SDC1: variants seen among roughly 807,000 people sequenced by gnomAD.
The protein encoded by SDC1 is syndecan 1.
A neutral mutation model predicts 29.7 loss-of-function variants in SDC1; 14 were observed. The ratio of observed to expected loss-of-function variants is 0.47; its 90% CI spans 0.31 to 0.74. The LOEUF is 0.74. Ranked by LOEUF, SDC1 falls within the 30% of genes least tolerant of loss-of-function variation. The probability of loss-of-function intolerance (pLI) is 0.05; values close to 1 mark genes in which losing one functional copy is unlikely to be tolerated. For synonymous variants in SDC1, 204 were observed against 175.5 expected (o/e 1.16, Z -1.29); for missense variants, 406 against 400.3 (o/e 1.01, Z -0.12).
In SDC1 at chr2:20,224,683, A is replaced by C; in HGVS notation, c.66+119T>G. ...TCACCGTCCCGGGACCCGCTGGGCTAGCGCGGGAAGAAGGGAAGTCTTCGC... is the reference window on the plus strand; with the variant it reads ...TCACCGTCCCGGGACCCGCTGGGCTCGCGCGGGAAGAAGGGAAGTCTTCGC... On this transcript the variant is annotated intron_variant, in intron 1 of 4. Transcript: ENST00000254351. The surrounding 1 kb of genome is among the most constrained non-coding windows in gnomAD (Gnocchi z 4.9). 3 of 1,126,596 alleles carry C rather than the reference A, an allele frequency of 2.7e-6. No homozygotes were observed. The highest frequency in any genetic ancestry group is 3.9e-5 in the South Asian group (1 of 25,538). 69.8% of individuals were successfully genotyped at this position (1,126,596 alleles called of 1,614,324 possible).
chr2:20,223,196 G>T, intron 1 of SDC1: 4 of 1,253,712 alleles, frequency 3.2e-6, no homozygotes, highest in Non-Finnish European at 3.2e-6. Flanking sequence ...CTGGAAGCAC[G>T]AGTCACCTGG....
intron 1 of SDC1, among the ~76,000 whole-genome samples, chr2:20,215,575 C>T (rs1011603193): frequency 2.6e-5 from 4 of 152,244 alleles, no homozygotes; most frequent in Non-Finnish European, 5.9e-5. Flanking sequence ...CACAGGTCAG[C>T]CTCAGTGCTC....
chr2:20,208,071 G>A (rs996211733), intron 1 of SDC1: 2 of 985,336 alleles, frequency 2.0e-6, no homozygotes, highest in Non-Finnish European at 2.4e-6. Flanking sequence ...GCATTGTAGA[G>A]TGCCGAATCT....
Position 20,204,216 on chromosome 2 carries a change from G to C in SDC1, c.224C>G (p.Pro75Arg). ...CAGGCCGGTGGGTTCTGGAGACGTG[G>C]GAATAGCCGTCAGGAGCTGCGTGTC... ...WKDTQLLTAI[P>R]TSPEPTGLEA... Residue 75 changes from proline to arginine, a missense_variant, in exon 3 of 5, where the codon CCC becomes CGC. Transcript: ENST00000254351. 6.3e-7 allele frequency: 1 copy of C among 1,599,248 alleles called. No homozygotes were observed. The highest frequency in any genetic ancestry group is 8.5e-7 in the Non-Finnish European group (1 of 1,179,848).
At chr2:20,218,313 AT>A (rs1677696265) in intron 1 of SDC1, among the ~76,000 whole-genome samples, 1 of 152,228 alleles carries the variant, frequency 6.6e-6, no homozygotes, top group South Asian at 2.1e-4. Flanking sequence ...GCCATGATGG[AT>A]GTCAGAGCCA....
intron 1 of SDC1, among the ~76,000 whole-genome samples, chr2:20,217,058 C>G (rs1349036774): frequency 6.6e-6 from 1 of 152,172 alleles, no homozygotes; most frequent in Non-Finnish European, 1.5e-5. Context: ...TCAGGGAGAC[C>G]CCCTGCCCTG....
chr2:20,221,048 C>T (rs770090665), intron 1 of SDC1, among the ~76,000 whole-genome samples: 2 of 152,212 alleles, frequency 1.3e-5, no homozygotes, highest in Non-Finnish European at 1.5e-5. Context: ...TTTTTCTCCA[C>T]TGAGAGAGGC....
chr2:20,204,743 T>C (rs890831992), intron 2 of SDC1, among the ~76,000 whole-genome samples: 6 of 152,102 alleles, frequency 3.9e-5, no homozygotes, highest in Admixed American at 3.3e-4. Context: ...GCTAGGTCAC[T>C]TCCCCAGGGA....
chr2:20,209,356 C>T (rs1380890244), intron 1 of SDC1, among the ~76,000 whole-genome samples: 4 of 152,198 alleles, frequency 2.6e-5, no homozygotes, highest in African/African-American at 9.6e-5. Flanking sequence ...CCCCGTGCAG[C>T]AGCACTGCTC....
intron 1 of SDC1, chr2:20,207,288 T>C: frequency 2.7e-6 from 1 of 364,070 alleles, no homozygotes; most frequent in Non-Finnish European, 3.8e-6. Flanking sequence ...AGCTAAACTG[T>C]ATCTTCCTTC....
Position 20,202,502 on chromosome 2 carries a change from GA to G in SDC1, c.*263del. Reference sequence around the variant, plus strand: ...GCTTCAGTTTGGAGAAACCGAGTCAGAATGGTGCGATGCCAGGTGCTGGCTG... The same window carrying G: ...GCTTCAGTTTGGAGAAACCGAGTCAGATGGTGCGATGCCAGGTGCTGGCTG... On this transcript the variant is annotated 3_prime_UTR_variant, in exon 5 of 5. Coordinates refer to ENST00000254351, the MANE Select transcript of SDC1 (RefSeq NM_002997.5). 1.7e-6 allele frequency: 1 copy of G among 591,916 alleles called. No homozygotes were observed. The highest frequency in any genetic ancestry group is 3.0e-6 in the Non-Finnish European group (1 of 333,690). 36.7% of individuals were successfully genotyped at this position (591,916 alleles called of 1,614,324 possible).
At chr2:20,207,062 C>T (rs1677296541) in intron 1 of SDC1, among the ~76,000 whole-genome samples, 1 of 152,264 alleles carries the variant, frequency 6.6e-6, no homozygotes, top group Non-Finnish European at 1.5e-5. Context: ...CCCAAGAGGC[C>T]TTGCCAGGCC....
chr2:20,202,166 G>A lies in SDC1; in HGVS notation c.*600C>T. On this transcript the variant is annotated 3_prime_UTR_variant, in exon 5 of 5. Transcript: ENST00000254351. Reference sequence around the variant, plus strand: ...CGACCATAGATTAGGGAAGCAAGATGGGGGGATACCGAATCAACTTACTTA... The same window carrying A: ...CGACCATAGATTAGGGAAGCAAGATAGGGGGATACCGAATCAACTTACTTA... 1.5e-6 allele frequency: 1 copy of A among 657,716 alleles called. No homozygotes were observed. Among genetic ancestry groups the A allele is most frequent in the Non-Finnish European group, 2.8e-6 (1 of 357,482 alleles). 40.7% of individuals were successfully genotyped at this position (657,716 alleles called of 1,614,324 possible).
chr2:20,224,971 C>G lies in SDC1; in HGVS notation c.-104G>C, dbSNP rs991834903. On this transcript the variant is annotated 5_prime_UTR_variant, in exon 1 of 5. Coordinates refer to ENST00000254351, the MANE Select transcript of SDC1 (RefSeq NM_002997.5). This position sits in a 1 kb window ranked among gnomAD's most constrained non-coding sequence, Gnocchi z 4.9. ...GATGCTCTCTTGGGCGCCTGCCCAG[C>G]GCGCCGCTGTCCCAGGCGAGGGCTG... The G allele has an allele frequency of 3.4e-6, 4 of 1,175,650 alleles. No homozygotes were observed. The highest frequency in any genetic ancestry group is 4.2e-6 in the Non-Finnish European group (4 of 950,452). 72.8% of individuals were successfully genotyped at this position (1,175,650 alleles called of 1,614,324 possible). A position where few individuals can be genotyped will look rare whatever the true frequency, so the allele number is the denominator to read the frequency against.
chr2:20,210,142 A>G (rs2148288172), intron 1 of SDC1, among the ~76,000 whole-genome samples: 1 of 152,272 alleles, frequency 6.6e-6, no homozygotes, highest in South Asian at 2.1e-4. Context: ...AGGAATTCCA[A>G]ACCAGCCTGG....
At chr2:20,208,063 A>G in intron 1 of SDC1, 1 of 985,436 alleles carries the variant, frequency 1.0e-6, no homozygotes, top group Non-Finnish European at 1.2e-6. Flanking sequence ...CCTCTGCTGC[A>G]TTGTAGAGTG....
At position 20,208,210 on chromosome 2, in the gene SDC1, C is replaced by T. The variant is rs1040323044; in HGVS notation, c.67-2786G>A. The stretch of plus-strand genomic sequence containing the variant: ...GACACCGCCCAGTGAGACCCAGGAA[C>T]GCCAGGGAGGCCCCAACACGTTAGC... On this transcript the variant is annotated intron_variant, in intron 1 of 4. Transcript: ENST00000254351. 2.6e-5 allele frequency: 19 copies of T among 721,080 alleles called. No individual in the cohort carries two copies. In the East Asian group the frequency reaches 5.3e-4, roughly 20 times the overall value. The allele number at this position is 721,080 out of a possible 1,614,324, so 44.7% of individuals were successfully genotyped here.
chr2:20,217,233 T>C (rs770118951), intron 1 of SDC1, among the ~76,000 whole-genome samples: 7 of 152,210 alleles, frequency 4.6e-5, no homozygotes, highest in African/African-American at 7.2e-5. Context: ...TCCCGTTCAT[T>C]GTCACTGCAG....
rs143448556 is a variant in SDC1 at position 20,215,762 on chromosome 2, G to A, written c.66+9040C>T. Among the ~76,000 whole-genome samples, 322 of 152,354 alleles carry A rather than the reference G, an allele frequency of 2.1e-3. 2 individuals carry two copies. The highest frequency in any genetic ancestry group is 6.7e-3 in the African/African-American group (280 of 41,584). ...AATCGTGCTCACGATGACACAGGGA[G>A]GAAGCAATGAAGTCCGGATGTGATC... On this transcript the variant is annotated intron_variant, in intron 1 of 4. Coordinates refer to ENST00000254351, the MANE Select transcript of SDC1 (RefSeq NM_002997.5).
Sources: gnomAD v4.1 joint callset for allele counts (sites outside exome capture counted in the v4.1 genomes callset) on GRCh38, gnomAD v4.1.1 for gene constraint, Gnocchi (gnomAD v3.1) non-coding constraint, MANE v1.5 for transcripts, NCBI Gene and HGNC (gene_info 2026-07-23, HGNC 2026-07-21) for gene names.